The following ADAM12 variants were observed in gnomAD, a reference collection of about 807,000 sequenced individuals.
ADAM12 encodes the protein ADAM metallopeptidase domain 12, also known as disintegrin and metalloproteinase domain-containing protein 12.
Under a neutral mutation model 106.4 loss-of-function variants are expected in ADAM12, and 70 were observed. That is an observed-to-expected ratio of 0.66 (90% CI 0.54 to 0.80). The LOEUF (loss-of-function observed/expected upper bound fraction) is 0.80. Ranked by LOEUF, ADAM12 falls within the 30% of genes least tolerant of loss-of-function variation. The pLI is 0.00. For synonymous variants in ADAM12, 420 were observed against 433.5 expected, an observed-to-expected ratio of 0.97 and a Z score of 0.39; for missense variants, 1,010 against 1,171.9, an observed-to-expected ratio of 0.86 and a Z score of 2.02.
At chr10:126,096,143 C>T (rs1376568391) in intron 10 of ADAM12, among the ~76,000 whole-genome samples, 5 of 152,126 alleles carry the variant, frequency 3.3e-5, no homozygotes, top group African/African-American at 1.2e-4. Flanking sequence ...AATCGGTTCT[C>T]GAAAATAACA....
Position 126,338,494 on chromosome 10 carries a change from C to T in ADAM12, c.89-7985G>A, listed in dbSNP as rs370237078. ...GTCTCGATCTCCTGACCTCGTGATC[C>T]GCCCGCCTCGGCCTCCCAAAGTGCT... On this transcript the variant is annotated intron_variant, in intron 1 of 22. Coordinates refer to ENST00000448723, the MANE Select transcript of ADAM12 (RefSeq NM_001288973.2). Among the ~76,000 whole-genome samples the T allele has an allele frequency of 2.5e-4, 38 of 151,984 alleles. No individual in the cohort carries two copies. In the East Asian group the frequency reaches 5.6e-3, roughly 22 times the overall value.
chr10:126,348,131 C>T (rs910923277), intron 1 of ADAM12, among the ~76,000 whole-genome samples: 3 of 152,174 alleles, frequency 2.0e-5, no homozygotes, highest in Non-Finnish European at 2.9e-5. Context: ...TTAGAAGTTA[C>T]GGACAGAGAG....
chr10:126,043,013 C>T lies in ADAM12; in HGVS notation c.2104+27G>A. On this transcript the variant is annotated intron_variant, in intron 18 of 22. Transcript: ENST00000448723. This position sits in a 1 kb window ranked among gnomAD's most constrained non-coding sequence, Gnocchi z 4.1. The stretch of plus-strand genomic sequence containing the variant: ...CCGCCCCCAGGTGCTCAGCCTCCTC[C>T]CACCGGGATGCAGGGGCTTCACTGA... 1 of 1,609,042 alleles carries T rather than the reference C, an allele frequency of 6.2e-7. No individual in the cohort carries two copies. The highest frequency in any genetic ancestry group is 8.5e-7 in the Non-Finnish European group (1 of 1,177,184).
At chr10:126,182,670 C>G (rs1346433519) in intron 3 of ADAM12, among the ~76,000 whole-genome samples, 1 of 152,104 alleles carries the variant, frequency 6.6e-6, no homozygotes, top group African/African-American at 2.4e-5. Flanking sequence ...GGATTCAAAG[C>G]AAATATTGAT....
At chr10:126,199,585 T>C (rs1957659607) in intron 3 of ADAM12, among the ~76,000 whole-genome samples, 1 of 152,198 alleles carries the variant, frequency 6.6e-6, no homozygotes, top group African/African-American at 2.4e-5. Context: ...GGGAAGCTGC[T>C]GCTGCTTCCC....
At chr10:126,160,739 C>A (rs141347493) in intron 3 of ADAM12, among the ~76,000 whole-genome samples, 1 of 152,280 alleles carries the variant, frequency 6.6e-6, no homozygotes, top group East Asian at 1.9e-4. Flanking sequence ...GAAATCCCAA[C>A]GCCTCCCGAT....
At chr10:126,253,976 G>A (rs1958838909) in intron 3 of ADAM12, among the ~76,000 whole-genome samples, 1 of 152,224 alleles carries the variant, frequency 6.6e-6, no homozygotes, top group Admixed American at 6.5e-5. Flanking sequence ...AGGGCGCTAT[G>A]TCTCTGCCGG....
chr10:126,267,827 T>TG (rs1959130009), intron 3 of ADAM12, among the ~76,000 whole-genome samples: 1 of 135,918 alleles, frequency 7.4e-6, no homozygotes, highest in Non-Finnish European at 1.5e-5. Context: ...TGGGGGGCGG[T>TG]GGGGGTGGAT....
At chr10:126,236,339 G>C (rs1958415467) in intron 3 of ADAM12, among the ~76,000 whole-genome samples, 1 of 152,188 alleles carries the variant, frequency 6.6e-6, no homozygotes, top group Non-Finnish European at 1.5e-5. Context: ...GAGATGCCAG[G>C]GCCTGCGATG....
chr10:126,132,160 A>G (rs1449679305), intron 5 of ADAM12, among the ~76,000 whole-genome samples: 2 of 152,120 alleles, frequency 1.3e-5, no homozygotes, highest in African/African-American at 2.4e-5. Context: ...TTTTTAGTAG[A>G]GATGGGTTTT....
intron 4 of ADAM12, among the ~76,000 whole-genome samples, chr10:126,148,021 A>G (rs10901538): frequency 0.33 from 49,865 of 152,122 alleles, 8,491 homozygotes; most frequent in Non-Finnish European, 0.38. Flanking sequence ...GAAATGTCAC[A>G]CGGATAGTCT....
At position 126,187,326 on chromosome 10, in the gene ADAM12, T is replaced by TAAAAAA. The variant is rs10638442; in HGVS notation, c.261-32027_261-32022dup. Reference sequence around the variant, plus strand: ...CTCCCCAACTGTGAAGGAAATGAAATAAAAAAAAAACAAATTTAATGTTGC... The same window carrying TAAAAAA: ...CTCCCCAACTGTGAAGGAAATGAAATAAAAAAAAAAAAAAAACAAATTTAATGTTGC... On this transcript the variant is annotated intron_variant, in intron 3 of 22. Coordinates refer to ENST00000448723, the MANE Select transcript of ADAM12 (RefSeq NM_001288973.2). Among the ~76,000 whole-genome samples, 817 of 148,554 alleles carry TAAAAAA rather than the reference T, an allele frequency of 5.5e-3. 4 individuals carry two copies. Among genetic ancestry groups the TAAAAAA allele is most frequent in the African/African-American group, 0.015 (623 of 40,658 alleles).
intron 5 of ADAM12, among the ~76,000 whole-genome samples, chr10:126,131,439 A>G (rs1350317471): frequency 6.6e-6 from 1 of 152,084 alleles, no homozygotes; most frequent in Non-Finnish European, 1.5e-5. Flanking sequence ...ACTGCCTATT[A>G]TGGACTGAGT....
intron 12 of ADAM12, among the ~76,000 whole-genome samples, chr10:126,068,272 A>G (rs1311286521): frequency 6.6e-6 from 1 of 152,170 alleles, no homozygotes; most frequent in Non-Finnish European, 1.5e-5. Flanking sequence ...CCTGGTCCTT[A>G]TGGTCTAAAT....
rs899794057 is a variant in ADAM12, at chr10:126,015,012, T to G, written c.*2267A>C. 2 of 152,212 alleles carry G rather than the reference T, an allele frequency of 1.3e-5. No homozygotes were observed. The highest frequency in any genetic ancestry group is 4.8e-5 in the African/African-American group (2 of 41,454). 9.4% of individuals were successfully genotyped at this position (152,212 alleles called of 1,614,324 possible). ...TGCTTCACTTGATAAATACTGCATC[T>G]TGGAAGGATTAATACTGTCCATATT... On this transcript the variant is annotated 3_prime_UTR_variant, in exon 23 of 23. Transcript: ENST00000448723.
intron 21 of ADAM12, among the ~76,000 whole-genome samples, chr10:126,034,122 GT>G (rs931623740): frequency 1.3e-5 from 2 of 152,214 alleles, no homozygotes; most frequent in Non-Finnish European, 2.9e-5. Context: ...AAAGGTGATA[GT>G]TTCTGTATTC....
chr10:126,342,542 C>A (rs1467010871), intron 1 of ADAM12, among the ~76,000 whole-genome samples: 2 of 152,238 alleles, frequency 1.3e-5, no homozygotes, highest in East Asian at 1.9e-4. Flanking sequence ...CTGTTTAAAT[C>A]CTTGCTTCAT....
At chr10:126,075,000 C>T (rs1346389844) in intron 11 of ADAM12, among the ~76,000 whole-genome samples, 1 of 152,166 alleles carries the variant, frequency 6.6e-6, no homozygotes, top group Non-Finnish European at 1.5e-5. Flanking sequence ...TTCCCACCAA[C>T]CTGGGGTTTT....
chr10:126,212,661 CT>C (rs1389757034), intron 3 of ADAM12, among the ~76,000 whole-genome samples: 1 of 152,136 alleles, frequency 6.6e-6, no homozygotes, highest in Non-Finnish European at 1.5e-5. Flanking sequence ...ATTTTATCAT[CT>C]TTAGCCACTG....
Sources: gnomAD v4.1 joint callset for allele counts (sites outside exome capture counted in the v4.1 genomes callset) on GRCh38, gnomAD v4.1.1 for gene constraint, Gnocchi (gnomAD v3.1) non-coding constraint, MANE v1.5 for transcripts, NCBI Gene and HGNC (gene_info 2026-07-23, HGNC 2026-07-21) for gene names.